Variants in GIGYF2 observed in about 807,000 individuals in gnomAD.
GIGYF2 encodes the protein GRB10 interacting GYF protein 2, also known as GRB10-interacting GYF protein 2.
A neutral mutation model predicts 208.1 loss-of-function variants in GIGYF2; 25 were observed. That is an observed-to-expected ratio of 0.12 (90% confidence interval 0.09 to 0.17). GIGYF2 has a LOEUF of 0.17. Ranked by LOEUF, GIGYF2 falls within the 10% of genes least tolerant of loss-of-function variation. GIGYF2 has a pLI of 1.00. For missense variants in GIGYF2, 1,302 were observed against 1,579.4 expected, an observed-to-expected ratio of 0.82 and a Z score of 2.98; for synonymous variants, 534 against 543.8, an observed-to-expected ratio of 0.98 and a Z score of 0.25.
intron 8 of GIGYF2, among the ~76,000 whole-genome samples, chr2:232,764,965 G>A (rs1698895805): frequency 6.6e-6 from 1 of 152,076 alleles, no homozygotes. Flanking sequence ...GAAAAGGCAG[G>A]TTCCATAAAA....
Position 232,844,755 on chromosome 2 carries a change from T to G in GIGYF2, c.3305+181T>G, listed in dbSNP as rs7560115. On this transcript the variant is annotated intron_variant, in intron 25 of 28. Coordinates refer to ENST00000373563, the MANE Select transcript of GIGYF2 (RefSeq NM_001103146.3). The stretch of plus-strand genomic sequence containing the variant: ...TGCTTTCTTCCCCATAGAAACACAT[T>G]CGTATTATTTCTTGGGGCTCCTGCT... Among the ~76,000 whole-genome samples the G allele has an allele frequency of 0.27, 40,847 of 152,100 alleles. 6,452 individuals are homozygous for G. Among genetic ancestry groups the G allele is most frequent in the Non-Finnish European group, 0.36 (24,298 of 67,958 alleles).
chr2:232,708,828 A>T (rs532703046), intron 2 of GIGYF2, among the ~76,000 whole-genome samples: 29 of 148,020 alleles, frequency 2.0e-4, no homozygotes, highest in African/African-American at 6.0e-4. Flanking sequence ...AAAAAAAAAA[A>T]TTTTTTTTTC....
chr2:232,756,197 C>CTTTTTTTTTTTTTTTTTT (rs759525243), intron 5 of GIGYF2, 26 bp from the exon 6 acceptor site: 10 of 710,672 alleles, frequency 1.4e-5, no homozygotes, highest in Middle Eastern at 4.1e-4. Context: ...TCCTTTTTCT[C>CTTTTTTTTTTTTTTTTTT]TTTTTTTTTT....
intron 28 of GIGYF2, among the ~76,000 whole-genome samples, chr2:232,852,380 T>C (rs1690383287): frequency 1.3e-5 from 2 of 152,112 alleles, no homozygotes; most frequent in Non-Finnish European, 2.9e-5. Context: ...ACCTCGTCTC[T>C]AGTAAAAATA....
chr2:232,719,570 A>G (rs1696847995), intron 2 of GIGYF2, among the ~76,000 whole-genome samples: 1 of 152,216 alleles, frequency 6.6e-6, no homozygotes, highest in Admixed American at 6.5e-5. Context: ...TCAGAGGCCC[A>G]CAAAGTGATA....
At chr2:232,770,415 G>A (rs1231004561) in intron 8 of GIGYF2, among the ~76,000 whole-genome samples, 1 of 152,160 alleles carries the variant, frequency 6.6e-6, no homozygotes, top group Non-Finnish European at 1.5e-5. Context: ...TGACTGTGGT[G>A]TTCTGGGCTC....
intron 9 of GIGYF2, among the ~76,000 whole-genome samples, chr2:232,787,774 C>A (rs961411701): frequency 2.0e-5 from 3 of 152,092 alleles, no homozygotes; most frequent in African/African-American, 7.2e-5. Flanking sequence ...TGTGATTTAA[C>A]CTTATTTGAA....
intron 2 of GIGYF2, among the ~76,000 whole-genome samples, chr2:232,728,780 A>C (rs1180900714): frequency 6.6e-6 from 1 of 152,160 alleles, no homozygotes; most frequent in Non-Finnish European, 1.5e-5. Flanking sequence ...AAAGATGGGC[A>C]AAGAAATACC....
At chr2:232,784,369 C>G (rs777040579) in intron 8 of GIGYF2, among the ~76,000 whole-genome samples, 23 of 145,614 alleles carry the variant, frequency 1.6e-4, no homozygotes, top group Non-Finnish European at 3.5e-4. Context: ...GTTCTAGCTA[C>G]TTACACGAAA....
At chr2:232,763,379 T>A (rs1698823105) in intron 8 of GIGYF2, among the ~76,000 whole-genome samples, 1 of 152,168 alleles carries the variant, frequency 6.6e-6, no homozygotes, top group African/African-American at 2.4e-5. Context: ...AGTGGATGCC[T>A]GAAACCACAG....
At chr2:232,714,581 A>G (rs997700741) in intron 2 of GIGYF2, among the ~76,000 whole-genome samples, 6 of 152,304 alleles carry the variant, frequency 3.9e-5, no homozygotes, top group Non-Finnish European at 5.9e-5. Context: ...TTAAGTGTAC[A>G]TTTTGATGAG....
chr2:232,814,009 T>C (rs1297950407), intron 18 of GIGYF2, among the ~76,000 whole-genome samples: 1 of 147,624 alleles, frequency 6.8e-6, no homozygotes, highest in African/African-American at 2.5e-5. Flanking sequence ...TGCCTCAGCC[T>C]CCCGAGTAGC....
intron 2 of GIGYF2, among the ~76,000 whole-genome samples, chr2:232,712,632 A>G (rs932664062): frequency 2.8e-4 from 42 of 152,230 alleles, no homozygotes; most frequent in African/African-American, 9.9e-4. Flanking sequence ...TTTTTGCAAT[A>G]GAAGATTCTC....
chr2:232,814,220 A>G (rs946431083), intron 18 of GIGYF2, among the ~76,000 whole-genome samples: 2 of 152,074 alleles, frequency 1.3e-5, no homozygotes, highest in African/African-American at 4.8e-5. Context: ...AATACTTAAC[A>G]CAAACATTTT....
At chr2:232,847,186 G>A (rs181790476) in intron 26 of GIGYF2, among the ~76,000 whole-genome samples, 162 bp from the exon 27 acceptor site, 1 of 152,198 alleles carries the variant, frequency 6.6e-6, no homozygotes, top group Admixed American at 6.5e-5. Context: ...TTTCTATAGG[G>A]TAGATAAAAG....
At chr2:232,722,358 C>T (rs1471380564) in intron 2 of GIGYF2, among the ~76,000 whole-genome samples, 2 of 152,098 alleles carry the variant, frequency 1.3e-5, no homozygotes, top group Admixed American at 6.5e-5. Flanking sequence ...AAGTGCCAAC[C>T]GAAGCGGGAA....
At chr2:232,831,760 A>G (rs1055308166) in intron 21 of GIGYF2, among the ~76,000 whole-genome samples, 1 of 152,146 alleles carries the variant, frequency 6.6e-6, no homozygotes, top group Non-Finnish European at 1.5e-5. Context: ...GTTTCACGTC[A>G]TGGTTAAGAG....
At chr2:232,744,135 T>G (rs1216394504) in intron 3 of GIGYF2, among the ~76,000 whole-genome samples, 1 of 152,222 alleles carries the variant, frequency 6.6e-6, no homozygotes, top group Non-Finnish European at 1.5e-5. Context: ...CATGGGCTAC[T>G]GCACCTGGCC....
chr2:232,776,748 T>C lies in GIGYF2; in HGVS notation c.533-10402T>C, dbSNP rs1348547947. 1.6e-5 allele frequency: 6 copies of C among 370,092 alleles called. No homozygotes were observed. The South Asian group carries it at 2.5e-4, about 15-fold the overall frequency. 22.9% of individuals were successfully genotyped at this position (370,092 alleles called of 1,614,324 possible). A position where few individuals can be genotyped will look rare whatever the true frequency, so the allele number is the denominator to read the frequency against. On this transcript the variant is annotated intron_variant, in intron 8 of 28. Transcript: ENST00000373563. ...AACCTTAACAACTCTGGAGAAAGCC[T>C]CCAGAACTGACTTGGAGAAGGGGTG...
Sources: allele counts gnomAD v4.1 joint callset (sites outside exome capture counted in the v4.1 genomes callset), GRCh38; gene constraint gnomAD v4.1.1; transcripts MANE v1.5; gene names NCBI Gene and HGNC (gene_info 2026-07-23, HGNC 2026-07-21).